The following SMYD4 variants were observed in gnomAD, a reference collection of about 807,000 sequenced individuals.
SMYD4 encodes the protein protein-lysine N-methyltransferase SMYD4.
SMYD4 carries 68 observed loss-of-function variants against 72.8 expected under a neutral mutation model. That is an observed-to-expected ratio of 0.93 (90% CI 0.77 to 1.14). The LOEUF (loss-of-function observed/expected upper bound fraction) is 1.14. SMYD4 is among the 50% of genes most tolerant of loss of function. The probability of loss-of-function intolerance (pLI) is 0.00; values close to 1 mark genes in which losing one functional copy is unlikely to be tolerated. For missense variants in SMYD4, 984 were observed against 1,003.7 expected, an observed-to-expected ratio of 0.98 and a Z score of 0.27; for synonymous variants, 407 against 388.6, an observed-to-expected ratio of 1.05 and a Z score of -0.56.
rs376629779 is a variant in SMYD4 at position 1,827,858 on chromosome 17, T to A, written c.134+3A>T. 68 of 1,595,082 alleles carry A rather than the reference T, an allele frequency of 4.3e-5. No homozygotes were observed. In the Admixed American group the frequency reaches 1.1e-3, roughly 26 times the overall value. ...TTCCCTTGTTAAAGCTTGATTTACT[T>A]ACTGAAGAAGTGAAGAGGAGTGAAG... On this transcript the variant is annotated splice_donor_region_variant and intron_variant, in intron 2 of 10. Coordinates refer to ENST00000305513, the MANE Select transcript of SMYD4 (RefSeq NM_052928.3).
chr17:1,784,111 C>T (rs1035258413), intron 8 of SMYD4, among the ~76,000 whole-genome samples: 22 of 152,250 alleles, frequency 1.4e-4, no homozygotes, highest in African/African-American at 4.6e-4. Context: ...CAGAAGAAAA[C>T]AACAGCTGAA....
intron 7 of SMYD4, among the ~76,000 whole-genome samples, chr17:1,784,852 C>T (rs1190558480): frequency 6.6e-6 from 1 of 151,934 alleles, no homozygotes; most frequent in Non-Finnish European, 1.5e-5. Flanking sequence ...TCACTCCAAG[C>T]TCCGCCTCCC....
chr17:1,795,747 GT>G (rs368038317), intron 5 of SMYD4, among the ~76,000 whole-genome samples: 1,883 of 128,438 alleles, frequency 0.015, 44 homozygotes, highest in African/African-American at 0.047. Flanking sequence ...TGGCCCGTGA[GT>G]TTTTTTTTTT....
rs1235542435 is a variant in SMYD4 at position 1,800,568 on chromosome 17, G to A, written c.826C>T (p.Pro276Ser). Residue 276 changes from proline to serine, a missense_variant, in exon 5 of 11, where the codon CCA becomes TCA. Pro to Ser is a moderately conservative substitution (Grantham distance 74). Coordinates refer to ENST00000305513, the MANE Select transcript of SMYD4 (RefSeq NM_052928.3). ...VSVLNPGELPPPHHGLDSKWD... is the reference protein window; with the variant it reads ...VSVLNPGELPSPHHGLDSKWD... ...TTGCTGTCTAGGCCGTGATGCGGTGGTGGCAGTTCTCCTGGGTTGAGAACA... is the reference window on the plus strand; with the variant it reads ...TTGCTGTCTAGGCCGTGATGCGGTGATGGCAGTTCTCCTGGGTTGAGAACA... 8.1e-6 allele frequency: 13 copies of A among 1,614,076 alleles called. No individual in the cohort carries two copies. In the African/African-American group the frequency reaches 1.5e-4, roughly 18 times the overall value.
At chr17:1,804,364 A>C (rs1909926909) in intron 4 of SMYD4, 1 of 336,634 alleles carries the variant, frequency 3.0e-6, no homozygotes, top group South Asian at 3.0e-5. Context: ...TTTAGTAGAG[A>C]CAGGGTTCCA....
In SMYD4 at chr17:1,800,346, T is replaced by C. The variant is rs1330217005; in HGVS notation, c.1048A>G (p.Ile350Val). Residue 350 changes from isoleucine (I) to valine (V), a missense_variant, in exon 5 of 11, where the codon ATT (isoleucine) becomes GTT (valine). Ile to Val is a conservative substitution (Grantham distance 29). Coordinates refer to ENST00000305513, the MANE Select transcript of SMYD4 (RefSeq NM_052928.3). ...ACCAAAAGAGTCAACCTCAGGGCAA[T>C]GTGGCAAAAGACACCCAGTGTGAGA... ...LLLTLGVFCH[I>V]ALRLTLLVGF... 6.2e-7 allele frequency: 1 copy of C among 1,614,000 alleles called. No individual in the cohort carries two copies. Among genetic ancestry groups the C allele is most frequent in the East Asian group, 2.2e-5 (1 of 44,890 alleles).
intron 2 of SMYD4, among the ~76,000 whole-genome samples, chr17:1,827,130 G>A (rs572482955): frequency 4.6e-5 from 7 of 152,108 alleles, no homozygotes; most frequent in African/African-American, 1.7e-4. Flanking sequence ...TCCAGACTGG[G>A]TGACAGAGTG....
At chr17:1,829,173 A>C (rs1042700751) in intron 1 of SMYD4, among the ~76,000 whole-genome samples, 2 of 152,190 alleles carry the variant, frequency 1.3e-5, no homozygotes, top group Non-Finnish European at 2.9e-5. Flanking sequence ...CAGGAAGCCC[A>C]GGACAAAACC....
At chr17:1,810,597 G>A (rs1305137419) in intron 3 of SMYD4, among the ~76,000 whole-genome samples, 3 of 152,162 alleles carry the variant, frequency 2.0e-5, no homozygotes, top group Admixed American at 6.5e-5. Context: ...AGAGAAAGGC[G>A]GGTCCCTGGG....
chr17:1,781,489 T>C, intron 10 of SMYD4, 50 bp from the exon 11 acceptor site: 1 of 1,591,212 alleles, frequency 6.3e-7, no homozygotes, highest in South Asian at 1.1e-5. Flanking sequence ...GTGAGGCAAA[T>C]GTTAATTGAG....
chr17:1,827,108 G>C (rs1227192862), intron 2 of SMYD4, among the ~76,000 whole-genome samples: 2 of 152,024 alleles, frequency 1.3e-5, no homozygotes, highest in East Asian at 3.9e-4. Context: ...AGCTGAGATT[G>C]TGCCACTGCA....
rs1908446663 is a variant in SMYD4, at chr17:1,783,006, GTGCCCTGTGA to G, written c.2261+19_2261+28del. 6.2e-7 allele frequency: 1 copy of G among 1,608,660 alleles called. No individual in the cohort carries two copies. ...GAAGAGCCTAGGAAAGGAACAGTGTGTGCCCTGTGAAGTGGGAAAGGGACTCACCCGTTGA... is the reference window on the plus strand; with the variant it reads ...GAAGAGCCTAGGAAAGGAACAGTGTGAGTGGGAAAGGGACTCACCCGTTGA... On this transcript the variant is annotated intron_variant, in intron 10 of 10. Transcript: ENST00000305513.
intron 4 of SMYD4, 111 bp from the exon 5 acceptor site, chr17:1,801,135 C>G (rs914100291): frequency 6.5e-6 from 6 of 927,324 alleles, no homozygotes; most frequent in East Asian, 2.5e-5. Flanking sequence ...AAAAATGGAA[C>G]AATTACAACC....
intron 5 of SMYD4, among the ~76,000 whole-genome samples, chr17:1,796,519 C>A (rs992450331): frequency 1.3e-5 from 2 of 151,616 alleles, no homozygotes; most frequent in Admixed American, 6.6e-5. Context: ...TCACTGTAAC[C>A]CCCACCTCCC....
intron 2 of SMYD4, among the ~76,000 whole-genome samples, chr17:1,813,224 C>G (rs1245002543): frequency 6.6e-6 from 1 of 152,200 alleles, no homozygotes; most frequent in Non-Finnish European, 1.5e-5. Context: ...CAGGCATGTG[C>G]TACTGGGCCC....
chr17:1,806,111 G>A (rs551320185), intron 3 of SMYD4, among the ~76,000 whole-genome samples: 1 of 151,926 alleles, frequency 6.6e-6, no homozygotes, highest in South Asian at 2.1e-4. Flanking sequence ...TTTTTTAGTA[G>A]AGATGGGGTT....
chr17:1,782,277 G>C (rs1237320731), intron 10 of SMYD4: 1 of 151,922 alleles, frequency 6.6e-6, no homozygotes, highest in African/African-American at 2.4e-5. Context: ...GGGGTTGGTG[G>C]GGGGGGCACT....
At chr17:1,807,519 C>T (rs564575835) in intron 3 of SMYD4, among the ~76,000 whole-genome samples, 180 of 151,996 alleles carry the variant, frequency 1.2e-3, no homozygotes, top group African/African-American at 3.7e-3. Context: ...GGCCCCACCA[C>T]GCCCAGCTAA....
intron 3 of SMYD4, among the ~76,000 whole-genome samples, chr17:1,807,022 C>T (rs923556505): frequency 6.6e-6 from 1 of 151,908 alleles, no homozygotes; most frequent in African/African-American, 2.4e-5. Context: ...TCCCAAGTAG[C>T]TAGGGTTACA....
Sources: allele counts gnomAD v4.1 joint callset (sites outside exome capture counted in the v4.1 genomes callset), GRCh38; gene constraint gnomAD v4.1.1; transcripts MANE v1.5; gene names NCBI Gene and HGNC (gene_info 2026-07-23, HGNC 2026-07-21).